Variants in ZNF180 observed in about 807,000 individuals in gnomAD.
ZNF180 encodes the protein zinc finger protein 180, also known as zinc finger protein 180 (HHZ168).
ZNF180 carries 11 observed loss-of-function variants against 11.8 expected under a neutral mutation model. The observed-to-expected ratio is 0.93, with a 90% CI of 0.59 to 1.55. The LOEUF (loss-of-function observed/expected upper bound fraction) is 1.55, where lower values mean the gene tolerates loss of function less well. Ranked by LOEUF, ZNF180 falls within the 40% of genes most tolerant of loss-of-function variation. ZNF180 has a pLI of 0.00. For missense variants in ZNF180, 773 were observed against 781.7 expected (o/e 0.99, Z 0.13); for synonymous variants, 287 against 257.7 (o/e 1.11, Z -1.09).
At chr19:44,500,174 A>G (rs1291933115) in intron 1 of ZNF180, 101 bp downstream of exon 1, 1 of 1,613,984 alleles carries the variant, frequency 6.2e-7, no homozygotes, top group Non-Finnish European at 8.5e-7. Flanking sequence ...CCGCACAGAT[A>G]CCAGGTCTCC....
In ZNF180 at chr19:44,477,661, C is replaced by T. The variant is rs116583568; in HGVS notation, c.739G>A (p.Gly247Arg). 2,018 of 1,613,878 alleles carry T rather than the reference C, an allele frequency of 1.3e-3. 23 individuals carry two copies. The African/African-American group carries it at 0.024, about 19-fold the overall frequency. The change falls in exon 5 of 5, where the codon GGA becomes AGA. Residue 247 changes from glycine (G) to arginine (R), a missense_variant. By Grantham distance (125) the Gly-to-Arg change is moderately radical (BLOSUM62 -2). Coordinates refer to ENST00000592529, the MANE Select transcript of ZNF180 (RefSeq NM_001278509.3). ...TRTQTKDKSY[G>R]FSDRIQSFCH... is the part of the protein sequence containing the mutation. The stretch of plus-strand genomic sequence containing the variant: ...AAAGATTGAATACGGTCACTAAATC[C>T]ATAGGATTTATCTTTTGTTTGAGTT...
chr19:44,492,823 A>G (rs557687137), intron 2 of ZNF180, among the ~76,000 whole-genome samples: 1 of 152,306 alleles, frequency 6.6e-6, no homozygotes, highest in South Asian at 2.1e-4. Flanking sequence ...GAGAACATTT[A>G]GAAAACACAG....
At chr19:44,478,184 T>C in intron 4 of ZNF180, 38 bp from the exon 5 acceptor site, 1 of 1,491,606 alleles carries the variant, frequency 6.7e-7, no homozygotes, top group African/African-American at 1.4e-5. Flanking sequence ...AGTCAAAAAA[T>C]ATTAGAGATG....
In ZNF180 at chr19:44,499,334, A is replaced by G. The variant is rs146014670; in HGVS notation, c.-44+941T>C. Among the ~76,000 whole-genome samples the G allele has an allele frequency of 2.9e-3, 436 of 152,270 alleles. 3 individuals are homozygous for G. Among genetic ancestry groups the G allele is most frequent in the Middle Eastern group, 0.024 (7 of 294 alleles). ...GCTCTGTCCCTCTACTAACCTGCACATTCTCACGCCTGCAAATAGCGTACC... is the reference window on the plus strand; with the variant it reads ...GCTCTGTCCCTCTACTAACCTGCACGTTCTCACGCCTGCAAATAGCGTACC... On this transcript the variant is annotated intron_variant, in intron 1 of 4. Coordinates refer to ENST00000592529, the MANE Select transcript of ZNF180 (RefSeq NM_001278509.3).
In ZNF180 at chr19:44,495,526, C is replaced by A. The variant is rs1446140888; in HGVS notation, c.51+1758G>T. On this transcript the variant is annotated intron_variant, in intron 2 of 4. Transcript: ENST00000592529. This position sits in a 1 kb window ranked among gnomAD's most constrained non-coding sequence, Gnocchi z 4.5. ...TGCCACACCAGGCTGCACCTGACCCCCAACACAGGTGCACATCTCACCCCA... is the reference window on the plus strand; with the variant it reads ...TGCCACACCAGGCTGCACCTGACCCACAACACAGGTGCACATCTCACCCCA... Among the ~76,000 whole-genome samples, 1 of 152,086 alleles carries A rather than the reference C, an allele frequency of 6.6e-6. No homozygotes were observed. The highest frequency in any genetic ancestry group is 2.4e-5 in the African/African-American group (1 of 41,394).
chr19:44,500,020 G>A (rs911804391), intron 1 of ZNF180, among the ~76,000 whole-genome samples: 73 of 152,172 alleles, frequency 4.8e-4, no homozygotes, highest in Non-Finnish European at 8.2e-4. Flanking sequence ...TGTGCCCTGT[G>A]TTCCAGCAAC....
chr19:44,483,035 T>A (rs940760519), intron 3 of ZNF180, among the ~76,000 whole-genome samples: 6 of 152,248 alleles, frequency 3.9e-5, no homozygotes, highest in Admixed American at 2.6e-4. Flanking sequence ...CATAAAACAC[T>A]CCACCTTTTG....
chr19:44,486,645 T>C (rs1230401409), intron 2 of ZNF180, among the ~76,000 whole-genome samples: 1 of 152,190 alleles, frequency 6.6e-6, no homozygotes, highest in Admixed American at 6.5e-5. Context: ...AGTTCATACC[T>C]GTAATCACAG....
chr19:44,496,146 G>C (rs1015270069), intron 2 of ZNF180, among the ~76,000 whole-genome samples: 1 of 151,772 alleles, frequency 6.6e-6, no homozygotes, highest in Non-Finnish European at 1.5e-5. Context: ...ACCCACTCAA[G>C]TATCTGGGAC....
intron 2 of ZNF180, 42 bp from the exon 3 acceptor site, chr19:44,484,477 G>T: frequency 6.8e-7 from 1 of 1,466,720 alleles, no homozygotes; most frequent in South Asian, 1.1e-5. Flanking sequence ...AATAATCAGG[G>T]AGCTAAGTGG....
At chr19:44,499,542 T>A (rs548556009) in intron 1 of ZNF180, among the ~76,000 whole-genome samples, 1 of 152,074 alleles carries the variant, frequency 6.6e-6, no homozygotes, top group African/African-American at 2.4e-5. Context: ...CCTACATAGG[T>A]CCCTACTATC....
rs11882362 is a variant in ZNF180, at chr19:44,489,487, A to C, written c.52-5052T>G. ...CATGTGCTGTGTCCACTCAGGGTTA[A>C]ATGGATTAAGGGCGGTGCAAGATGT... On this transcript the variant is annotated intron_variant, in intron 2 of 4. Transcript: ENST00000592529. Among the ~76,000 whole-genome samples, 1,207 of 126,980 alleles carry C rather than the reference A, an allele frequency of 9.5e-3. 14 individuals are homozygous for C. Among genetic ancestry groups the C allele is most frequent in the African/African-American group, 0.032 (1,142 of 35,542 alleles). The allele number at this position is 126,980 out of a possible 152,430, so 83.3% of individuals were successfully genotyped here.
chr19:44,489,992 A>T (rs1970393750), intron 2 of ZNF180, among the ~76,000 whole-genome samples: 1 of 98,054 alleles, frequency 1.0e-5, no homozygotes, highest in Non-Finnish European at 2.0e-5. Flanking sequence ...AGAAAGAAAA[A>T]GCAAGAAAGA....
At chr19:44,478,210 G>A (rs542257149) in intron 4 of ZNF180, 64 bp from the exon 5 acceptor site, 192 of 1,436,448 alleles carry the variant, frequency 1.3e-4, no homozygotes, top group Non-Finnish European at 1.6e-4. Context: ...ATGGAATAAA[G>A]CTAACAAGAA....
At position 44,476,259 on chromosome 19, in the gene ZNF180, T is replaced by A. The variant is rs749993199; in HGVS notation, c.*143A>T. The A allele has an allele frequency of 5.8e-5, 46 of 792,882 alleles. No individual in the cohort carries two copies. The highest frequency in any genetic ancestry group is 7.9e-5 in the Non-Finnish European group (43 of 543,014). The allele number at this position is 792,882 out of a possible 1,614,324, so 49.1% of individuals were successfully genotyped here. A position where few individuals can be genotyped will look rare whatever the true frequency, so the allele number is the denominator to read the frequency against. On this transcript the variant is annotated 3_prime_UTR_variant, in exon 5 of 5. Coordinates refer to ENST00000592529, the MANE Select transcript of ZNF180 (RefSeq NM_001278509.3). ...TCCCCCTTTCTTTTCCAGAACAAATTTGAGACACACAATTAACAGAGGGCT... is the reference window on the plus strand; with the variant it reads ...TCCCCCTTTCTTTTCCAGAACAAATATGAGACACACAATTAACAGAGGGCT...
intron 2 of ZNF180, among the ~76,000 whole-genome samples, chr19:44,489,816 G>A (rs547814291): frequency 1.5e-3 from 121 of 82,944 alleles, no homozygotes; most frequent in African/African-American, 4.1e-3. Flanking sequence ...AAACTTGACC[G>A]AAAGAAAAGA....
At chr19:44,487,320 C>T (rs1970255085) in intron 2 of ZNF180, among the ~76,000 whole-genome samples, 1 of 152,206 alleles carries the variant, frequency 6.6e-6, no homozygotes, top group Admixed American at 6.5e-5. Flanking sequence ...TTGTGAGGTT[C>T]ACAATAAGTA....
chr19:44,482,878 G>A (rs541658485), intron 3 of ZNF180, among the ~76,000 whole-genome samples: 1 of 152,340 alleles, frequency 6.6e-6, no homozygotes, highest in Non-Finnish European at 1.5e-5. Flanking sequence ...TATGCCTAAG[G>A]TTAGTAGTAG....
intron 2 of ZNF180, among the ~76,000 whole-genome samples, chr19:44,487,819 G>C (rs1448613324): frequency 1.3e-5 from 2 of 151,984 alleles, no homozygotes; most frequent in Admixed American, 1.3e-4. Flanking sequence ...CTCCACCTCC[G>C]GGGTTCAAGT....
Sources: gnomAD v4.1 joint callset for allele counts (sites outside exome capture counted in the v4.1 genomes callset) on GRCh38, gnomAD v4.1.1 for gene constraint, Gnocchi (gnomAD v3.1) non-coding constraint, MANE v1.5 for transcripts, NCBI Gene and HGNC (gene_info 2026-07-23, HGNC 2026-07-21) for gene names.